Variants in DAAM1 observed in about 807,000 individuals in gnomAD.
DAAM1 encodes disheveled-associated activator of morphogenesis 1.
In DAAM1, 52 loss-of-function variants were observed where a neutral mutation model predicts 130.0. The observed-to-expected ratio is 0.40, with a 90% CI of 0.32 to 0.50. The LOEUF (loss-of-function observed/expected upper bound fraction) is 0.50, where lower values mean the gene tolerates loss of function less well. DAAM1 is among the 20% of genes least tolerant of loss of function. The pLI is 0.61. For synonymous variants in DAAM1, 452 were observed against 444.5 expected (o/e 1.02, Z -0.21); for missense variants, 1,134 against 1,303.8 (o/e 0.87, Z 2.01).
chr14:59,348,488 A>G (rs1175960649), intron 17 of DAAM1, among the ~76,000 whole-genome samples: 6 of 152,136 alleles, frequency 3.9e-5, no homozygotes, highest in Non-Finnish European at 7.3e-5. Flanking sequence ...TCTGAATGCT[A>G]TAAGATCGTT....
intron 3 of DAAM1, 46 bp downstream of exon 3, chr14:59,291,352 A>G: frequency 6.9e-7 from 1 of 1,442,126 alleles, no homozygotes; most frequent in Non-Finnish European, 9.6e-7. Context: ...ATAATCATTG[A>G]TTCCATTTGC....
At chr14:59,239,544 G>A (rs1212242639) in intron 1 of DAAM1, among the ~76,000 whole-genome samples, 2 of 152,066 alleles carry the variant, frequency 1.3e-5, no homozygotes, top group Non-Finnish European at 2.9e-5. Context: ...TCTTTTACCT[G>A]TGCCCTTTTT....
intron 5 of DAAM1, among the ~76,000 whole-genome samples, chr14:59,322,501 G>GAA (rs10570231): frequency 2.9e-4 from 43 of 147,404 alleles, no homozygotes; most frequent in African/African-American, 6.7e-4. Context: ...CTCTCTTAAA[G>GAA]AAAAAAAAAA....
Position 59,325,689 on chromosome 14 carries a change from C to T in DAAM1, c.1015C>T (p.Arg339Ter). 3 of 1,613,800 alleles carry T rather than the reference C, an allele frequency of 1.9e-6. No individual in the cohort carries two copies. The highest frequency in any genetic ancestry group is 1.1e-5 in the South Asian group (1 of 91,058). The stretch of plus-strand genomic sequence containing the variant: ...GCATTTAGACTTTTTTGAAATGCTC[C>T]GAAATGAAGATGAACTAGAATTTGC... ...DRHLDFFEML[R>*]NEDELEFAKR... The change falls in exon 9 of 25, where the codon CGA becomes TGA. Residue 339 changes from arginine (R) to a stop codon, truncating the protein, a stop_gained. Coordinates refer to ENST00000360909, the MANE Select transcript of DAAM1 (RefSeq NM_001270520.2). LOFTEE classifies it high-confidence loss of function.
intron 2 of DAAM1, among the ~76,000 whole-genome samples, chr14:59,280,888 A>AT (rs756296791): frequency 2.1e-4 from 32 of 152,014 alleles, no homozygotes; most frequent in African/African-American, 7.5e-4. Flanking sequence ...AAGTGCTATC[A>AT]TTTTTTCTAA....
In DAAM1 at chr14:59,339,085, G is replaced by A. The variant is rs561495109; in HGVS notation, c.1969-989G>A. Among the ~76,000 whole-genome samples the A allele has an allele frequency of 2.1e-4, 32 of 152,286 alleles. 1 individual carries two copies. The highest frequency in any genetic ancestry group is 8.3e-4 in the South Asian group (4 of 4,818). On this transcript the variant is annotated intron_variant, in intron 15 of 24. Transcript: ENST00000360909. ...TTCACGAGGCTTAGTAGGAAAGTACGTAGAATTTTTAGAACTTAAACAGAC... is the reference window on the plus strand; with the variant it reads ...TTCACGAGGCTTAGTAGGAAAGTACATAGAATTTTTAGAACTTAAACAGAC...
intron 1 of DAAM1, among the ~76,000 whole-genome samples, chr14:59,212,354 G>T (rs1481021074): frequency 1.3e-5 from 2 of 152,128 alleles, no homozygotes; most frequent in Non-Finnish European, 2.9e-5. Flanking sequence ...ACTATCAGTT[G>T]TCACAAGGTG....
At chr14:59,334,634 G>A (rs1389691333) in intron 15 of DAAM1, among the ~76,000 whole-genome samples, 1 of 152,178 alleles carries the variant, frequency 6.6e-6, no homozygotes, top group African/African-American at 2.4e-5. Context: ...TGTCGGATTA[G>A]TATAATTTAG....
At chr14:59,249,733 G>A (rs1459698117) in intron 1 of DAAM1, among the ~76,000 whole-genome samples, 2 of 152,018 alleles carry the variant, frequency 1.3e-5, no homozygotes, top group African/African-American at 4.8e-5. Context: ...CTGATAAGGA[G>A]GACCCCAAAC....
At chr14:59,326,741 A>C (rs559861041) in intron 11 of DAAM1, 93 bp downstream of exon 11, 1 of 1,560,760 alleles carries the variant, frequency 6.4e-7, no homozygotes, top group Non-Finnish European at 8.7e-7. Flanking sequence ...GGGAGAGCTG[A>C]AATGTTCTAG....
intron 2 of DAAM1, among the ~76,000 whole-genome samples, chr14:59,271,367 C>G (rs1566677636): frequency 6.6e-6 from 1 of 151,588 alleles, no homozygotes; most frequent in East Asian, 1.9e-4. Flanking sequence ...AGATTTATAC[C>G]ATCAAAATAT....
chr14:59,189,836 G>A (rs1250132892), intron 1 of DAAM1, among the ~76,000 whole-genome samples: 1 of 152,102 alleles, frequency 6.6e-6, no homozygotes, highest in Non-Finnish European at 1.5e-5. Flanking sequence ...GTTGTTCACG[G>A]CCTGGCTTTG....
At chr14:59,361,824 A>T (rs1475708507) in intron 22 of DAAM1, among the ~76,000 whole-genome samples, 1 of 152,176 alleles carries the variant, frequency 6.6e-6, no homozygotes, top group Non-Finnish European at 1.5e-5. Flanking sequence ...GGCAGCTTGG[A>T]AAGGTGCCTC....
chr14:59,196,772 C>G (rs889023864), intron 1 of DAAM1, among the ~76,000 whole-genome samples: 9 of 151,786 alleles, frequency 5.9e-5, no homozygotes, highest in Admixed American at 3.9e-4. Context: ...AACAAAAAAA[C>G]AAAACCCACA....
intron 20 of DAAM1, 67 bp downstream of exon 20, chr14:59,355,400 C>T: frequency 1.3e-6 from 2 of 1,577,508 alleles, no homozygotes; most frequent in Non-Finnish European, 1.7e-6. Flanking sequence ...ATTTATGCCT[C>T]TCTGGTCCTC....
chr14:59,308,241 A>G (rs1305121206), intron 3 of DAAM1, among the ~76,000 whole-genome samples: 1 of 152,202 alleles, frequency 6.6e-6, no homozygotes, highest in African/African-American at 2.4e-5. Context: ...CAATTAATGG[A>G]CATGAGGGTA....
intron 2 of DAAM1, among the ~76,000 whole-genome samples, chr14:59,277,040 T>A (rs530917862): frequency 8.5e-5 from 13 of 152,314 alleles, no homozygotes; most frequent in African/African-American, 1.2e-4. Flanking sequence ...GCCAAAAACT[T>A]GTATTTTATC....
intron 11 of DAAM1, 96 bp from the exon 12 acceptor site, chr14:59,326,837 T>C (rs773870196): frequency 1.0e-4 from 163 of 1,555,154 alleles, no homozygotes; most frequent in Admixed American, 5.9e-4. Context: ...CTGAGGATTT[T>C]CTCTGCAGTA....
chr14:59,202,454 T>C (rs1888134566), intron 1 of DAAM1, among the ~76,000 whole-genome samples: 1 of 152,246 alleles, frequency 6.6e-6, no homozygotes, highest in Admixed American at 6.5e-5. Context: ...ATACTTGGCA[T>C]TTTATGGACT....
Sources: allele counts gnomAD v4.1 joint callset (sites outside exome capture counted in the v4.1 genomes callset), GRCh38; gene constraint gnomAD v4.1.1; transcripts MANE v1.5; gene names NCBI Gene and HGNC (gene_info 2026-07-23, HGNC 2026-07-21).